Variants in RBM24 observed in about 807,000 individuals in gnomAD.
The protein encoded by RBM24 is RNA-binding protein 24.
In RBM24, 5 loss-of-function variants were observed where a neutral mutation model predicts 23.6. The ratio of observed to expected loss-of-function variants is 0.21; its 90% CI spans 0.11 to 0.45. The LOEUF is 0.45. Ranked by LOEUF, RBM24 falls within the 20% of genes least tolerant of loss-of-function variation. The pLI is 0.99. For missense variants in RBM24, 252 were observed against 314.6 expected (o/e 0.80, Z 1.51); for synonymous variants, 151 against 129.5 (o/e 1.17, Z -1.13).
In RBM24 at chr6:17,281,775, G is replaced by A; in HGVS notation, c.168+26G>A. ...GTAAGTTGCACGGACTGGGGGTGAC[G>A]GGGAGGGACGGAGTGGCGGCTGACC... On this transcript the variant is annotated intron_variant, in intron 1 of 3. Transcript: ENST00000379052. The surrounding 1 kb of genome is among the most constrained non-coding windows in gnomAD (Gnocchi z 7.1). The A allele has an allele frequency of 1.3e-6, 2 of 1,545,682 alleles. No individual in the cohort carries two copies. The highest frequency in any genetic ancestry group is 1.4e-5 in the African/African-American group (1 of 72,714).
In RBM24 at chr6:17,288,971, A is replaced by G. The variant is rs142693252; in HGVS notation, c.348-2785A>G. On this transcript the variant is annotated intron_variant, in intron 3 of 3. Transcript: ENST00000379052. ...AGATTGGAAAAAGAAACCGATTAGG[A>G]TATTGCTTCAAAACCAGTTAGGATG... The G allele has an allele frequency of 1.7e-4, 170 of 985,454 alleles. No individual in the cohort carries two copies. In the African/African-American group the frequency reaches 2.7e-3, roughly 16 times the overall value. The allele number at this position is 985,454 out of a possible 1,614,324, so 61.0% of individuals were successfully genotyped here.
rs527244886 is a variant in RBM24 at position 17,287,734 on chromosome 6, A to G, written c.347+3023A>G. Among the ~76,000 whole-genome samples, 6 of 152,142 alleles carry G rather than the reference A, an allele frequency of 3.9e-5. No individual in the cohort carries two copies. The South Asian group carries it at 1.2e-3, about 32-fold the overall frequency. On this transcript the variant is annotated intron_variant, in intron 3 of 3. Transcript: ENST00000379052. ...TGAGGCAGGAGAATGGCGTGAACCCAGAAGGCGGAGCTTGCAGCGAGCCGA... is the reference window on the plus strand; with the variant it reads ...TGAGGCAGGAGAATGGCGTGAACCCGGAAGGCGGAGCTTGCAGCGAGCCGA...
At chr6:17,287,446 T>A (rs1760229291) in intron 3 of RBM24, among the ~76,000 whole-genome samples, 3 of 152,196 alleles carry the variant, frequency 2.0e-5, no homozygotes, top group Non-Finnish European at 4.4e-5. Flanking sequence ...AGTTTATGGT[T>A]GAAAGAAGCA....
chr6:17,282,714 T>C, intron 1 of RBM24, 91 bp from the exon 2 acceptor site: 1 of 1,541,370 alleles, frequency 6.5e-7, no homozygotes, highest in South Asian at 1.2e-5. Context: ...CTCAGTTTTA[T>C]CATGAATGAC....
chr6:17,291,908 C>A lies in RBM24; in HGVS notation c.500C>A (p.Ala167Asp). The part of the protein sequence containing the change: ...YAQYSAAAAA[A>D]AAAAAYDQYP... ...CAATACTCAGCAGCTGCTGCTGCTG[C>A]CGCCGCCGCTGCTGCCTATGACCAG... is the stretch of plus-strand genomic sequence containing the variant. Residue 167 changes from alanine (A) to aspartate (D), a missense_variant, in exon 4 of 4, where the codon GCC becomes GAC. Coordinates refer to ENST00000379052, the MANE Select transcript of RBM24 (RefSeq NM_001143942.2). The A allele has an allele frequency of 6.2e-7, 1 of 1,612,914 alleles. No individual in the cohort carries two copies. The highest frequency in any genetic ancestry group is 1.1e-5 in the South Asian group (1 of 91,082).
Position 17,281,632 on chromosome 6 carries a change from G to C in RBM24, c.51G>C (p.Gly17=). 1.3e-6 allele frequency: 2 copies of C among 1,549,346 alleles called. No homozygotes were observed. Among genetic ancestry groups the C allele is most frequent in the Non-Finnish European group, 8.7e-7 (1 of 1,146,510 alleles). The change falls in exon 1 of 4, where the codon GGG becomes GGC. Residue 17 remains glycine, a synonymous_variant. Transcript: ENST00000379052. This position sits in a 1 kb window ranked among gnomAD's most constrained non-coding sequence, Gnocchi z 7.1. ...DTTYTKIFVG[G]LPYHTTDASL... ...CGTACACCAAGATCTTCGTCGGGGGGCTGCCCTACCACACCACCGACGCCA... is the reference window on the plus strand; with the variant it reads ...CGTACACCAAGATCTTCGTCGGGGGCCTGCCCTACCACACCACCGACGCCA...
intron 3 of RBM24, among the ~76,000 whole-genome samples, chr6:17,286,716 G>C (rs1760209168): frequency 1.3e-5 from 2 of 152,266 alleles, no homozygotes; most frequent in South Asian, 4.1e-4. Context: ...TGCACCACTG[G>C]GTATGTCTTA....
chr6:17,281,417 CCCCGGCCGCT>C lies in RBM24; in HGVS notation c.-163_-154del, dbSNP rs931866012. 12 of 257,148 alleles carry C rather than the reference CCCCGGCCGCT, an allele frequency of 4.7e-5. No individual in the cohort carries two copies. The highest frequency in any genetic ancestry group is 2.0e-4 in the Admixed American group (3 of 15,084). 15.9% of individuals were successfully genotyped at this position (257,148 alleles called of 1,614,324 possible). ...CCGCGCGCCCGGCGCTCTCGGCCGC[CCCCGGCCGCT>C]CGCCCCCGCCGCGCCGCCGCCCTCG... On this transcript the variant is annotated 5_prime_UTR_variant, in exon 1 of 4. Transcript: ENST00000379052. The surrounding 1 kb of genome is among the most constrained non-coding windows in gnomAD (Gnocchi z 7.1).
rs758407408 is a variant in RBM24 at position 17,292,128 on chromosome 6, T to A, written c.*9T>A. 2.0e-6 allele frequency: 3 copies of A among 1,493,780 alleles called. No individual in the cohort carries two copies. In the Admixed American group the frequency reaches 6.6e-5, roughly 33 times the overall value. The allele number at this position is 1,493,780 out of a possible 1,614,324, so 92.5% of individuals were successfully genotyped here. On this transcript the variant is annotated 3_prime_UTR_variant, in exon 4 of 4. Transcript: ENST00000379052. Reference sequence around the variant, plus strand: ...CAGACCGAATGCAATAGACCAGCCATCTGATCAAAGTTGAATTGTTTTCTC... The same window carrying A: ...CAGACCGAATGCAATAGACCAGCCAACTGATCAAAGTTGAATTGTTTTCTC...
intron 3 of RBM24, among the ~76,000 whole-genome samples, chr6:17,291,179 T>G (rs1307232893): frequency 6.6e-6 from 1 of 152,198 alleles, no homozygotes; most frequent in Non-Finnish European, 1.5e-5. Context: ...TGACTGAGGT[T>G]GCAGAGAGAT....
intron 3 of RBM24, 72 bp from the exon 4 acceptor site, chr6:17,291,683 TG>T: frequency 6.7e-7 from 1 of 1,487,326 alleles, no homozygotes; most frequent in Non-Finnish European, 9.1e-7. Context: ...AATTTGAGTT[TG>T]TTTTATCTTT....
rs1760017763 is a variant in RBM24, at chr6:17,281,680, C to T, written c.99C>T (p.Val33=). The part of the protein sequence containing the change: ...TDASLRKYFE[V]FGEIEEAVVI... Reference sequence around the variant, plus strand: ...CCAGCCTGCGCAAGTACTTCGAGGTCTTCGGCGAGATCGAGGAGGCGGTGG... The same window carrying T: ...CCAGCCTGCGCAAGTACTTCGAGGTTTTCGGCGAGATCGAGGAGGCGGTGG... The change falls in exon 1 of 4, where the codon GTC becomes GTT. Residue 33 remains valine (V), a synonymous_variant. Coordinates refer to ENST00000379052, the MANE Select transcript of RBM24 (RefSeq NM_001143942.2). This position sits in a 1 kb window ranked among gnomAD's most constrained non-coding sequence, Gnocchi z 7.1. 1 of 1,551,790 alleles carries T rather than the reference C, an allele frequency of 6.4e-7. No homozygotes were observed. Among genetic ancestry groups the T allele is most frequent in the African/African-American group, 1.4e-5 (1 of 73,068 alleles).
At chr6:17,290,021 A>T in intron 3 of RBM24, 1 of 1,289,436 alleles carries the variant, frequency 7.8e-7, no homozygotes, top group Non-Finnish European at 1.0e-6. Flanking sequence ...CCTCAGAAAC[A>T]CTTGATGACG....
At chr6:17,288,963 C>T (rs1019161416) in intron 3 of RBM24, 3 of 985,140 alleles carry the variant, frequency 3.0e-6, no homozygotes, top group South Asian at 9.4e-5. Flanking sequence ...AAAAAGAAAC[C>T]GATTAGGATA....
chr6:17,290,602 G>A (rs1452550864), intron 3 of RBM24, among the ~76,000 whole-genome samples: 1 of 152,158 alleles, frequency 6.6e-6, no homozygotes, highest in Non-Finnish European at 1.5e-5. Context: ...GATAACACAT[G>A]ATTATACAAT....
Position 17,281,532 on chromosome 6 carries a change from G to A in RBM24, c.-50G>A, listed in dbSNP as rs1760012486. 4 of 1,452,602 alleles carry A rather than the reference G, an allele frequency of 2.8e-6. No individual in the cohort carries two copies. The highest frequency in any genetic ancestry group is 3.6e-6 in the Non-Finnish European group (4 of 1,102,962). The allele number at this position is 1,452,602 out of a possible 1,614,324, so 90.0% of individuals were successfully genotyped here. On this transcript the variant is annotated 5_prime_UTR_variant, in exon 1 of 4. Transcript: ENST00000379052. This position sits in a 1 kb window ranked among gnomAD's most constrained non-coding sequence, Gnocchi z 7.1. Reference sequence around the variant, plus strand: ...AGCCGGAGGAGGAGGCGCAGCCGCTGCCCGAGCCGCAGCCGCAGCCGGAGC... The same window carrying A: ...AGCCGGAGGAGGAGGCGCAGCCGCTACCCGAGCCGCAGCCGCAGCCGGAGC...
At chr6:17,286,825 A>G (rs1298958743) in intron 3 of RBM24, among the ~76,000 whole-genome samples, 2 of 152,168 alleles carry the variant, frequency 1.3e-5, no homozygotes, top group East Asian at 1.9e-4. Context: ...GAGAAACCAG[A>G]CTGTCTAAGG....
In RBM24 at chr6:17,292,065, T is replaced by C. The variant is rs767266543; in HGVS notation, c.657T>C (p.Ala219=). 2.5e-5 allele frequency: 40 copies of C among 1,592,286 alleles called. No homozygotes were observed. The highest frequency in any genetic ancestry group is 8.4e-5 in the Admixed American group (5 of 59,458). ...CCGCCGCTGCAGCAGCTGCTGCCGC[T>C]GCAGCATTTGGCCAGTACCAGCCTC... The part of the protein sequence containing the change: ...AAAAAAAAAA[A]AAFGQYQPQQ... Residue 219 remains alanine, a synonymous_variant, in exon 4 of 4, where the codon GCT becomes GCC. Transcript: ENST00000379052.
intron 3 of RBM24, chr6:17,290,715 C>CA: frequency 2.1e-6 from 1 of 486,710 alleles, no homozygotes; most frequent in Non-Finnish European, 3.5e-6. Context: ...AGTAGATGTG[C>CA]AAAAAAAGTT....
Sources: allele counts gnomAD v4.1 joint callset (sites outside exome capture counted in the v4.1 genomes callset), GRCh38; gene constraint gnomAD v4.1.1; non-coding constraint Gnocchi (gnomAD v3.1); transcripts MANE v1.5; gene names NCBI Gene and HGNC (gene_info 2026-07-23, HGNC 2026-07-21).